KCNIP1: variants seen among roughly 807,000 people sequenced by gnomAD.
KCNIP1 encodes A-type potassium channel modulatory protein KCNIP1.
Under a neutral mutation model 33.0 loss-of-function variants are expected in KCNIP1, and 18 were observed. The observed-to-expected ratio is 0.55, with a 90% CI of 0.38 to 0.81. KCNIP1 has a LOEUF of 0.81. Among genes scored for constraint, KCNIP1 ranks in the 30% least tolerant of loss-of-function variants. The pLI, the probability that KCNIP1 is intolerant of heterozygous loss-of-function variation, is 0.00. For synonymous variants in KCNIP1, 93 were observed against 98.3 expected (o/e 0.95, Z 0.32); for missense variants, 238 against 271.6 (o/e 0.88, Z 0.87).
intron 1 of KCNIP1, among the ~76,000 whole-genome samples, chr5:170,475,187 A>G (rs932396263): frequency 2.2e-4 from 34 of 152,238 alleles, no homozygotes; most frequent in African/African-American, 8.2e-4. Context: ...TCCCCTTGTA[A>G]GACAGAAAAG....
intron 1 of KCNIP1, among the ~76,000 whole-genome samples, chr5:170,673,537 C>T (rs1356931727): frequency 2.0e-5 from 3 of 152,194 alleles, no homozygotes; most frequent in African/African-American, 7.2e-5. Flanking sequence ...TAGTGAATAA[C>T]CACTCTGGGA....
chr5:170,358,843 G>A (rs1000162257), intron 1 of KCNIP1, among the ~76,000 whole-genome samples: 12 of 152,150 alleles, frequency 7.9e-5, no homozygotes, highest in African/African-American at 2.4e-4. Context: ...GCAGAGCTGG[G>A]ATTAGAACCC....
chr5:170,592,015 A>G (rs1282037230), intron 1 of KCNIP1, among the ~76,000 whole-genome samples: 2 of 152,202 alleles, frequency 1.3e-5, no homozygotes, highest in Non-Finnish European at 2.9e-5. Flanking sequence ...TCTTTTAGGA[A>G]CTGCCATATT....
At chr5:170,399,059 G>A (rs1319843502) in intron 1 of KCNIP1, among the ~76,000 whole-genome samples, 1 of 152,166 alleles carries the variant, frequency 6.6e-6, no homozygotes, top group African/African-American at 2.4e-5. Context: ...TCCTTTGTGA[G>A]TGTGTCTACT....
chr5:170,623,086 G>A (rs988732853), intron 1 of KCNIP1, among the ~76,000 whole-genome samples: 1 of 152,234 alleles, frequency 6.6e-6, no homozygotes, highest in African/African-American at 2.4e-5. Flanking sequence ...AACCTAATGC[G>A]GCGGCTGATC....
rs140259349 is a variant in KCNIP1 at position 170,438,326 on chromosome 5, G to T, written c.88+84362G>T. ...AAACTCTGGCTTGAGCTCAGAGCAGGGCCCACTCTGGGCTTGAAAATACCT... is the reference window on the plus strand; with the variant it reads ...AAACTCTGGCTTGAGCTCAGAGCAGTGCCCACTCTGGGCTTGAAAATACCT... On this transcript the variant is annotated intron_variant, in intron 1 of 7. Coordinates refer to the KCNIP1 transcript ENST00000377360. 2.8e-4 allele frequency among the ~76,000 whole-genome samples: 42 copies of T among 152,288 alleles called. No individual in the cohort carries two copies. In the East Asian group the frequency reaches 7.1e-3, roughly 26 times the overall value.
chr5:170,382,446 G>T (rs79272105), intron 1 of KCNIP1, among the ~76,000 whole-genome samples: 19,125 of 152,086 alleles, frequency 0.13, 1,314 homozygotes, highest in African/African-American at 0.19. Context: ...TCTGGGAACA[G>T]ACCTTAGTCT....
intron 1 of KCNIP1, among the ~76,000 whole-genome samples, chr5:170,472,353 G>C (rs1001756433): frequency 6.6e-6 from 1 of 152,238 alleles, no homozygotes. Flanking sequence ...CCACAGTCCT[G>C]TAGGTCCGCC....
chr5:170,451,813 G>A (rs527261514), intron 1 of KCNIP1, among the ~76,000 whole-genome samples: 1 of 150,900 alleles, frequency 6.6e-6, no homozygotes, highest in Non-Finnish European at 1.5e-5. Context: ...GGGTGTCCGT[G>A]ACTGGGCATG....
intron 1 of KCNIP1, among the ~76,000 whole-genome samples, chr5:170,428,424 C>CTT (rs11423617): frequency 3.6e-4 from 53 of 149,076 alleles, no homozygotes; most frequent in South Asian, 1.1e-3. Context: ...TTAATGCTGT[C>CTT]TTTTTTTTTT....
rs189489924 is a variant in KCNIP1, at chr5:170,598,109, C to G, written c.61+93476C>G. On this transcript the variant is annotated intron_variant, in intron 1 of 7. Coordinates refer to ENST00000328939, the MANE Select transcript of KCNIP1 (RefSeq NM_014592.4). ...AGCCAACTGCAGTCGCTGTCTCTAG[C>G]CCTTCAATCACTCCTAATCAGACCG... 5.7e-3 allele frequency among the ~76,000 whole-genome samples: 875 copies of G among 152,222 alleles called. 30 individuals are homozygous for G. The highest frequency in any genetic ancestry group is 0.051 in the Admixed American group (776 of 15,288).
At chr5:170,482,232 G>A (rs759189163) in intron 1 of KCNIP1, among the ~76,000 whole-genome samples, 26 of 152,076 alleles carry the variant, frequency 1.7e-4, no homozygotes, top group Non-Finnish European at 3.2e-4. Flanking sequence ...TTATTATTTA[G>A]GCAGCACAGG....
chr5:170,669,219 T>G (rs139874157), intron 1 of KCNIP1, among the ~76,000 whole-genome samples: 18 of 152,374 alleles, frequency 1.2e-4, no homozygotes, highest in Non-Finnish European at 2.2e-4. Context: ...CAGATTACTC[T>G]TTCTAGCTCA....
chr5:170,504,003 G>C (rs1554096936), upstream of KCNIP1: 50 of 648,788 alleles, frequency 7.7e-5, no homozygotes, highest in South Asian at 1.3e-4. The surrounding 1 kb of genome is among the most constrained non-coding windows in gnomAD (Gnocchi z 6.0). Flanking sequence ...CCCCTCCGCC[G>C]CCCCCTCCGC....
At chr5:170,697,501 C>T (rs1762937505) in intron 1 of KCNIP1, among the ~76,000 whole-genome samples, 1 of 152,182 alleles carries the variant, frequency 6.6e-6, no homozygotes, top group East Asian at 1.9e-4. Flanking sequence ...AACCTACAGG[C>T]TGATACTTTG....
intron 1 of KCNIP1, among the ~76,000 whole-genome samples, chr5:170,368,681 C>T (rs1471207459): frequency 6.6e-6 from 1 of 152,246 alleles, no homozygotes; most frequent in Non-Finnish European, 1.5e-5. Context: ...ATACAGTTCT[C>T]AGTATGGGAA....
At chr5:170,467,917 C>CAAAAA (rs55671124) in intron 1 of KCNIP1, among the ~76,000 whole-genome samples, 65 of 41,874 alleles carry the variant, frequency 1.6e-3, no homozygotes, top group African/African-American at 4.7e-3. Flanking sequence ...GATTCCATCT[C>CAAAAA]AAAAAAAAAA....
At chr5:170,606,420 T>C (rs897912423) in intron 1 of KCNIP1, among the ~76,000 whole-genome samples, 15 of 152,196 alleles carry the variant, frequency 9.9e-5, no homozygotes, top group Admixed American at 5.9e-4. Context: ...GTTTTTATGG[T>C]CCTTCCAGTG....
chr5:170,443,600 A>G (rs1756042950), intron 1 of KCNIP1, among the ~76,000 whole-genome samples: 1 of 152,268 alleles, frequency 6.6e-6, no homozygotes, highest in Non-Finnish European at 1.5e-5. Flanking sequence ...TAACTACATC[A>G]GAAAACTTGT....
Sources: allele counts gnomAD v4.1 joint callset (sites outside exome capture counted in the v4.1 genomes callset), GRCh38; gene constraint gnomAD v4.1.1; non-coding constraint Gnocchi (gnomAD v3.1); transcripts MANE v1.5; gene names NCBI Gene and HGNC (gene_info 2026-07-23, HGNC 2026-07-21).